The following PDE10A variants were observed in gnomAD, a reference collection of about 807,000 sequenced individuals.
PDE10A encodes the protein cAMP and cAMP-inhibited cGMP 3',5'-cyclic phosphodiesterase 10A.
A neutral mutation model predicts 97.7 loss-of-function variants in PDE10A; 39 were observed. The ratio of observed to expected loss-of-function variants is 0.40; its 90% CI spans 0.31 to 0.52. PDE10A has a LOEUF of 0.52. PDE10A is among the 20% of genes least tolerant of loss of function. The pLI is 0.56. For synonymous variants in PDE10A, 371 were observed against 376.8 expected (o/e 0.98, Z 0.18); for missense variants, 731 against 1,047.8 (o/e 0.70, Z 4.17).
At chr6:165,614,549 T>C (rs534850794) in intron 1 of PDE10A, among the ~76,000 whole-genome samples, 1 of 152,324 alleles carries the variant, frequency 6.6e-6, no homozygotes, top group African/African-American at 2.4e-5. Flanking sequence ...TAACTCTTAC[T>C]TGCCATTTAA....
At chr6:165,693,355 ACT>A (rs1422873260) in intron 1 of PDE10A, among the ~76,000 whole-genome samples, 1 of 151,904 alleles carries the variant, frequency 6.6e-6, no homozygotes, top group Non-Finnish European at 1.5e-5. Context: ...ACATGGTGAA[ACT>A]CTGTCTCTAC....
chr6:165,897,111 A>G (rs1001732373), intron 1 of PDE10A, among the ~76,000 whole-genome samples: 21 of 152,222 alleles, frequency 1.4e-4, no homozygotes, highest in African/African-American at 5.1e-4. Context: ...TAGAACTGAA[A>G]AAAATATGGA....
chr6:165,943,606 A>T (rs1783659859), intron 1 of PDE10A, among the ~76,000 whole-genome samples: 1 of 152,174 alleles, frequency 6.6e-6, no homozygotes. Context: ...GAGAAGATGA[A>T]TGTCTCAGAT....
At position 165,340,650 on chromosome 6, in the gene PDE10A, G is replaced by A. The variant is rs78717259; in HGVS notation, c.2896-1292C>T. Among the ~76,000 whole-genome samples, 8 of 152,318 alleles carry A rather than the reference G, an allele frequency of 5.3e-5. No homozygotes were observed. In the East Asian group the frequency reaches 1.5e-3, roughly 29 times the overall value. On this transcript the variant is annotated intron_variant, in intron 19 of 21. Transcript: ENST00000539869. ...TACTCGAAACAAAAATGCTAAAAAGGAAAAGAACCCAGTGCTACAGACCAT... is the reference window on the plus strand; with the variant it reads ...TACTCGAAACAAAAATGCTAAAAAGAAAAAGAACCCAGTGCTACAGACCAT...
chr6:165,442,945 C>T (rs1790577280), intron 5 of PDE10A, among the ~76,000 whole-genome samples: 1 of 151,774 alleles, frequency 6.6e-6, no homozygotes, highest in Admixed American at 6.6e-5. Flanking sequence ...CCCATCTCTA[C>T]TAAAAATACA....
intron 1 of PDE10A, among the ~76,000 whole-genome samples, chr6:165,954,835 A>G (rs1784080934): frequency 6.6e-6 from 1 of 152,060 alleles, no homozygotes; most frequent in African/African-American, 2.4e-5. Flanking sequence ...GAGGCTGGAC[A>G]GGCCAGCATT....
At chr6:165,615,807 C>T (rs1313722002) in intron 1 of PDE10A, among the ~76,000 whole-genome samples, 1 of 152,186 alleles carries the variant, frequency 6.6e-6, no homozygotes, top group Admixed American at 6.5e-5. Context: ...GAGTCTGCAC[C>T]ATGTCAGCCC....
intron 1 of PDE10A, among the ~76,000 whole-genome samples, chr6:165,638,657 T>A (rs1427140593): frequency 6.6e-6 from 1 of 152,136 alleles, no homozygotes; most frequent in Non-Finnish European, 1.5e-5. Flanking sequence ...AATCTTAAAC[T>A]TCATCATTAA....
chr6:165,853,838 C>T (rs571223817), intron 1 of PDE10A, among the ~76,000 whole-genome samples: 3 of 152,300 alleles, frequency 2.0e-5, no homozygotes, highest in African/African-American at 7.2e-5. Flanking sequence ...GTCTTTCAGT[C>T]AAACAGTGAA....
intron 1 of PDE10A, among the ~76,000 whole-genome samples, chr6:165,897,835 A>G (rs141548063): frequency 2.6e-4 from 40 of 152,082 alleles, no homozygotes; most frequent in African/African-American, 9.2e-4. Context: ...TAGCTACTGG[A>G]GGGCTTCATT....
intron 2 of PDE10A, among the ~76,000 whole-genome samples, chr6:165,484,707 T>G (rs1229207374): frequency 1.3e-5 from 2 of 152,220 alleles, no homozygotes; most frequent in African/African-American, 4.8e-5. Context: ...ATCTGGCTGG[T>G]GGCAGGCTTT....
rs1186493775 is a variant in PDE10A, at chr6:165,382,177, T to C, written c.2611-2811A>G. Among the ~76,000 whole-genome samples, 4 of 152,132 alleles carry C rather than the reference T, an allele frequency of 2.6e-5. No individual in the cohort carries two copies. The East Asian group carries it at 7.7e-4, about 29-fold the overall frequency. Reference sequence around the variant, plus strand: ...AAATGCTGTGGCTGAGATCTGATATTAGAGAATGGAAACAATGTTGAAATT... The same window carrying C: ...AAATGCTGTGGCTGAGATCTGATATCAGAGAATGGAAACAATGTTGAAATT... On this transcript the variant is annotated intron_variant, in intron 17 of 21. Transcript: ENST00000539869.
At chr6:165,764,471 C>A (rs1037047972) in intron 1 of PDE10A, among the ~76,000 whole-genome samples, 3 of 151,538 alleles carry the variant, frequency 2.0e-5, no homozygotes, top group African/African-American at 4.9e-5. Flanking sequence ...TCACTGACTT[C>A]AAGAATGAAG....
At chr6:165,861,140 G>A (rs1397243484) in intron 1 of PDE10A, among the ~76,000 whole-genome samples, 2 of 152,228 alleles carry the variant, frequency 1.3e-5, no homozygotes, top group African/African-American at 4.8e-5. Flanking sequence ...ACTGGAAACA[G>A]CATTGATGTG....
chr6:165,767,822 T>G (rs372893944), intron 1 of PDE10A, among the ~76,000 whole-genome samples: 5 of 152,236 alleles, frequency 3.3e-5, no homozygotes, highest in Non-Finnish European at 7.3e-5. Flanking sequence ...TCACTCTCTC[T>G]ATGTTTGATT....
At chr6:165,640,858 AT>A (rs1333463624) in intron 1 of PDE10A, among the ~76,000 whole-genome samples, 1 of 152,266 alleles carries the variant, frequency 6.6e-6, no homozygotes, top group African/African-American at 2.4e-5. Context: ...AAGTATGATA[AT>A]TTTGCATTGG....
chr6:165,878,650 C>G (rs2498573), intron 1 of PDE10A, among the ~76,000 whole-genome samples: 117,052 of 152,154 alleles, frequency 0.77, 45,257 homozygotes, highest in East Asian at 0.96. Context: ...ATCTTCAGAA[C>G]CTGTGAATAT....
intron 2 of PDE10A, among the ~76,000 whole-genome samples, chr6:165,502,360 T>C (rs1780941473): frequency 6.6e-6 from 1 of 152,182 alleles, no homozygotes; most frequent in East Asian, 1.9e-4. Context: ...AAAATACGTA[T>C]CTGGCAAAAG....
intron 1 of PDE10A, among the ~76,000 whole-genome samples, chr6:165,575,515 C>G (rs1785258014): frequency 6.6e-6 from 1 of 152,164 alleles, no homozygotes; most frequent in Non-Finnish European, 1.5e-5. Context: ...TTTCCTTGCT[C>G]ACTCAGTTAT....
Sources: allele counts gnomAD v4.1 joint callset (sites outside exome capture counted in the v4.1 genomes callset), GRCh38; gene constraint gnomAD v4.1.1; transcripts MANE v1.5; gene names NCBI Gene and HGNC (gene_info 2026-07-23, HGNC 2026-07-21).